PRKN: variants seen among roughly 807,000 people sequenced by gnomAD.
PRKN encodes the protein E3 ubiquitin-protein ligase parkin.
PRKN carries 56 observed loss-of-function variants against 59.5 expected under a neutral mutation model. The ratio of observed to expected loss-of-function variants is 0.94; its 90% confidence interval spans 0.76 to 1.18. The LOEUF (loss-of-function observed/expected upper bound fraction) is 1.18. Among genes scored for constraint, PRKN ranks in the 50% most tolerant of loss-of-function variants. PRKN has a pLI of 0.00. For missense variants in PRKN, 657 were observed against 596.4 expected (o/e 1.10, Z -1.06); for synonymous variants, 250 against 222.1 (o/e 1.13, Z -1.12).
chr6:161,453,451 G>GT (rs1418740010), intron 9 of PRKN, among the ~76,000 whole-genome samples: 1 of 152,138 alleles, frequency 6.6e-6, no homozygotes, highest in African/African-American at 2.4e-5. Context: ...GGGTGTTGTG[G>GT]TGAAGGTATG....
rs1330404151 is a variant in PRKN at position 161,655,879 on chromosome 6, CACACAT to C, written c.872-86469_872-86464del. Among the ~76,000 whole-genome samples the C allele has an allele frequency of 6.8e-3, 330 of 48,316 alleles. 1 individual carries two copies. The highest frequency in any genetic ancestry group is 0.049 in the African/African-American group (301 of 6,188). The allele number at this position is 48,316 out of a possible 152,430, so 31.7% of individuals were successfully genotyped here. A position where few individuals can be genotyped will look rare whatever the true frequency, so the allele number is the denominator to read the frequency against. Reference sequence around the variant, plus strand: ...ATCAACACACATGCACACACACACACACACATACACACACACACACACACACACACA... The same window carrying C: ...ATCAACACACATGCACACACACACACACACACACACACACACACACACACA... On this transcript the variant is annotated intron_variant, in intron 7 of 11. Transcript: ENST00000366898.
At position 161,973,316 on chromosome 6, in the gene PRKN, C is replaced by T. The variant is rs769882260; in HGVS notation, c.720G>A (p.Thr240=). 30 of 1,610,296 alleles carry T rather than the reference C, an allele frequency of 1.9e-5. 1 individual carries two copies. The highest frequency in any genetic ancestry group is 1.2e-4 in the South Asian group (11 of 90,994). The change falls in exon 6 of 12, where the codon ACG becomes ACA. Residue 240 remains threonine (T), a synonymous_variant. Coordinates refer to ENST00000366898, the MANE Select transcript of PRKN (RefSeq NM_004562.3). ...ATNSRNITCI[T]CTDVRSPVLV... ...TAGATCCTTACCTGACGTCTGTGCACGTAATGCAAGTGATGTTCCGACTAT... is the reference window on the plus strand; with the variant it reads ...TAGATCCTTACCTGACGTCTGTGCATGTAATGCAAGTGATGTTCCGACTAT...
rs1489402482 is a variant in PRKN at position 161,359,156 on chromosome 6, A to G, written c.1285+932T>C. On this transcript the variant is annotated intron_variant, in intron 11 of 11. Transcript: ENST00000366898. The surrounding 1 kb of genome is among the most constrained non-coding windows in gnomAD (Gnocchi z 5.4). ...TTTTCTAGGAGCACTGCTGCATGCA[A>G]TGGAGTAATAAGGACACGCTGGGTA... Among the ~76,000 whole-genome samples, 2 of 152,126 alleles carry G rather than the reference A, an allele frequency of 1.3e-5. No individual in the cohort carries two copies. The highest frequency in any genetic ancestry group is 4.8e-5 in the African/African-American group (2 of 41,420).
At chr6:161,635,114 T>C (rs1005420362) in intron 7 of PRKN, among the ~76,000 whole-genome samples, 2 of 152,194 alleles carry the variant, frequency 1.3e-5, no homozygotes, top group Admixed American at 1.3e-4. Flanking sequence ...GGAGATACCA[T>C]GGCCAGTGAT....
At chr6:162,388,843 A>C (rs1011557750) in intron 2 of PRKN, among the ~76,000 whole-genome samples, 3 of 152,146 alleles carry the variant, frequency 2.0e-5, no homozygotes, top group African/African-American at 7.2e-5. Flanking sequence ...CAAATGTAGA[A>C]TATAAAGTCG....
At chr6:161,813,424 G>A (rs1344193979) in intron 6 of PRKN, among the ~76,000 whole-genome samples, 1 of 152,144 alleles carries the variant, frequency 6.6e-6, no homozygotes, top group Non-Finnish European at 1.5e-5. Flanking sequence ...GTGGGACTCG[G>A]GGTAGCTGAG....
chr6:161,718,634 C>T (rs1389604778), intron 7 of PRKN, among the ~76,000 whole-genome samples: 1 of 152,024 alleles, frequency 6.6e-6, no homozygotes, highest in Non-Finnish European at 1.5e-5. Context: ...CCAGTGGCCT[C>T]GGGACTATCC....
Position 161,361,620 on chromosome 6 carries a change from A to G in PRKN, c.1168-1415T>C, listed in dbSNP as rs1197219754. Among the ~76,000 whole-genome samples the G allele has an allele frequency of 6.6e-6, 1 of 152,206 alleles. No homozygotes were observed. The highest frequency in any genetic ancestry group is 1.9e-4 in the East Asian group (1 of 5,200). ...TGGTATCCCTGACAGTGGTGGGGGC[A>G]CCACAGACAAGCTTTGCCTAGGGCT... On this transcript the variant is annotated intron_variant, in intron 10 of 11. Coordinates refer to ENST00000366898, the MANE Select transcript of PRKN (RefSeq NM_004562.3). This position sits in a 1 kb window ranked among gnomAD's most constrained non-coding sequence, Gnocchi z 5.2.
chr6:162,364,977 C>CTTT lies in PRKN; in HGVS notation c.171+78332_171+78333insAAA, dbSNP rs200901620. 5.1e-4 allele frequency among the ~76,000 whole-genome samples: 70 copies of CTTT among 138,174 alleles called. 1 individual carries two copies. The highest frequency in any genetic ancestry group is 2.5e-3 in the Admixed American group (35 of 13,812). The allele number at this position is 138,174 out of a possible 152,430, so 90.6% of individuals were successfully genotyped here. A position where few individuals can be genotyped will look rare whatever the true frequency, so the allele number is the denominator to read the frequency against. On this transcript the variant is annotated intron_variant, in intron 2 of 11. Coordinates refer to ENST00000366898, the MANE Select transcript of PRKN (RefSeq NM_004562.3). ...CTCTCTTCTCCCTCTCTCTCTCTCT[C>CTTT]TCTTTTTTTTTTTTTTTTGCCAATA... is the stretch of plus-strand genomic sequence containing the variant.
intron 2 of PRKN, among the ~76,000 whole-genome samples, chr6:162,436,950 G>C (rs1007703125): frequency 5.9e-5 from 9 of 152,068 alleles, no homozygotes; most frequent in Non-Finnish European, 8.8e-5. Context: ...AAATGAGCCA[G>C]GCGTGGTAGC....
intron 1 of PRKN, among the ~76,000 whole-genome samples, chr6:162,635,593 A>G (rs1439226307): frequency 1.1e-5 from 1 of 90,896 alleles, no homozygotes; most frequent in African/African-American, 5.7e-5. Context: ...TTCTTATTTT[A>G]TTATAATAAT....
rs967668981 is a variant in PRKN, at chr6:161,575,956, A to C, written c.872-6540T>G. ...CAGCGAGACTGAACACTGACCTCTG[A>C]GCACAAGCCAGAGAGCATGGGCCAC... On this transcript the variant is annotated intron_variant, in intron 7 of 11. Transcript: ENST00000366898. The surrounding 1 kb of genome is among the most constrained non-coding windows in gnomAD (Gnocchi z 4.6). Among the ~76,000 whole-genome samples, 1 of 152,240 alleles carries C rather than the reference A, an allele frequency of 6.6e-6. No individual in the cohort carries two copies. The highest frequency in any genetic ancestry group is 2.1e-4 in the South Asian group (1 of 4,836).
intron 6 of PRKN, among the ~76,000 whole-genome samples, chr6:161,822,561 A>T (rs1792075092): frequency 6.6e-6 from 1 of 152,210 alleles, no homozygotes; most frequent in African/African-American, 2.4e-5. Flanking sequence ...CTGAAATCCC[A>T]GCTACGCGGG....
At chr6:162,448,373 G>GA (rs1276829297) in intron 1 of PRKN, among the ~76,000 whole-genome samples, 1 of 151,952 alleles carries the variant, frequency 6.6e-6, no homozygotes, top group Non-Finnish European at 1.5e-5. Context: ...TTTTCATTGA[G>GA]AATTTCTTAT....
chr6:162,235,173 A>C lies in PRKN; in HGVS notation c.412+27352T>G, dbSNP rs375881579. On this transcript the variant is annotated intron_variant, in intron 3 of 11. Transcript: ENST00000366898. ...TGAAATTTAAAATATGAAGAACCAA[A>C]ACTTACCACTAAATCCTACTGTCCA... Among the ~76,000 whole-genome samples, 104 of 152,298 alleles carry C rather than the reference A, an allele frequency of 6.8e-4. 2 individuals are homozygous for C. In the South Asian group the frequency reaches 0.02, roughly 29 times the overall value.
chr6:161,416,575 T>C (rs1406283989), intron 9 of PRKN, among the ~76,000 whole-genome samples: 2 of 152,038 alleles, frequency 1.3e-5, no homozygotes, highest in Non-Finnish European at 2.9e-5. Flanking sequence ...CAGAGAGTAA[T>C]AGCAACAGAG....
intron 2 of PRKN, among the ~76,000 whole-genome samples, chr6:162,292,117 C>T (rs1360148228): frequency 2.0e-5 from 3 of 151,962 alleles, no homozygotes; most frequent in Non-Finnish European, 4.4e-5. Context: ...TTGCCTGCCA[C>T]CACACCTGGC....
chr6:162,026,672 TC>T (rs1400509855), intron 5 of PRKN, among the ~76,000 whole-genome samples: 1 of 152,028 alleles, frequency 6.6e-6, no homozygotes, highest in African/African-American at 2.4e-5. Context: ...TGCTTTTTTT[TC>T]CCCCCACAAA....
chr6:162,475,285 T>C (rs1004295943), intron 1 of PRKN, among the ~76,000 whole-genome samples: 3 of 152,190 alleles, frequency 2.0e-5, no homozygotes, highest in South Asian at 4.1e-4. Context: ...TGAGGGCTTA[T>C]TGGGTATAAG....
Sources: gnomAD v4.1 joint callset for allele counts (sites outside exome capture counted in the v4.1 genomes callset) on GRCh38, gnomAD v4.1.1 for gene constraint, Gnocchi (gnomAD v3.1) non-coding constraint, MANE v1.5 for transcripts, NCBI Gene and HGNC (gene_info 2026-07-23, HGNC 2026-07-21) for gene names.